Variants in ATP6V0A1 observed in about 807,000 individuals in gnomAD.
The protein encoded by ATP6V0A1 is V-type proton ATPase 116 kDa subunit a 1.
ATP6V0A1 carries 43 observed loss-of-function variants against 105.4 expected under a neutral mutation model. That is an observed-to-expected ratio of 0.41 (90% confidence interval 0.32 to 0.53). ATP6V0A1 has a LOEUF of 0.53. Ranked by LOEUF, ATP6V0A1 falls within the 20% of genes least tolerant of loss-of-function variation. ATP6V0A1 has a pLI of 0.30. For missense variants in ATP6V0A1, 676 were observed against 1,051.1 expected (o/e 0.64, Z 4.93); for synonymous variants, 362 against 372.8 (o/e 0.97, Z 0.33).
In ATP6V0A1 at chr17:42,521,443, T is replaced by G; in HGVS notation, c.*323T>G. The G allele has an allele frequency of 5.0e-6, 1 of 198,772 alleles. No homozygotes were observed. Among genetic ancestry groups the G allele is most frequent in the Non-Finnish European group, 1.0e-5 (1 of 97,938 alleles). 12.3% of individuals were successfully genotyped at this position (198,772 alleles called of 1,614,324 possible). On this transcript the variant is annotated 3_prime_UTR_variant, in exon 22 of 22. Transcript: ENST00000343619. This position sits in a 1 kb window ranked among gnomAD's most constrained non-coding sequence, Gnocchi z 4.8. ...CACGCCATCCCAAAGCCCTTTCATC[T>G]TCCCCGTGCATTGTAGATGGAAGGA...
intron 5 of ATP6V0A1, among the ~76,000 whole-genome samples, chr17:42,473,087 A>G (rs2088210291): frequency 6.6e-6 from 1 of 152,214 alleles, no homozygotes; most frequent in Non-Finnish European, 1.5e-5. Context: ...GGAAAAACTC[A>G]TATGAATTTA....
intron 21 of ATP6V0A1, 150 bp downstream of exon 21, chr17:42,514,610 C>T (rs1473566239): frequency 1.0e-5 from 8 of 791,576 alleles, no homozygotes; most frequent in Non-Finnish European, 1.5e-5. Context: ...CACCCCAGCA[C>T]CGGCATTGCC....
In ATP6V0A1 at chr17:42,521,905, G is replaced by A. The variant is rs1376382705; in HGVS notation, c.*785G>A. The stretch of plus-strand genomic sequence containing the variant: ...GGCCTTGCATGGGCCCTGCCCACAA[G>A]CACACCCTCAGGCCGAGGGTGCAGA... On this transcript the variant is annotated 3_prime_UTR_variant, in exon 22 of 22. Coordinates refer to ENST00000343619, the MANE Select transcript of ATP6V0A1 (RefSeq NM_001130021.3). The surrounding 1 kb of genome is among the most constrained non-coding windows in gnomAD (Gnocchi z 4.8). The A allele has an allele frequency of 6.6e-6, 1 of 152,624 alleles. No homozygotes were observed. Among genetic ancestry groups the A allele is most frequent in the African/African-American group, 2.4e-5 (1 of 41,420 alleles). The allele number at this position is 152,624 out of a possible 1,614,324, so 9.5% of individuals were successfully genotyped here. A position where few individuals can be genotyped will look rare whatever the true frequency, so the allele number is the denominator to read the frequency against.
Position 42,467,965 on chromosome 17 carries a change from G to T in ATP6V0A1, c.197-45G>T. 2.2e-6 allele frequency: 3 copies of T among 1,347,672 alleles called. No homozygotes were observed. The South Asian group carries it at 4.0e-5, about 18-fold the overall frequency. The allele number at this position is 1,347,672 out of a possible 1,614,324, so 83.5% of individuals were successfully genotyped here. ...CTTTTCCTTAAATAATGGCAATTACGAGCATGTGCAGTTAGACATGAATGT... is the reference window on the plus strand; with the variant it reads ...CTTTTCCTTAAATAATGGCAATTACTAGCATGTGCAGTTAGACATGAATGT... On this transcript the variant is annotated intron_variant, in intron 3 of 21. Transcript: ENST00000343619.
intron 17 of ATP6V0A1, 142 bp downstream of exon 17, chr17:42,501,446 G>A (rs1025253047): frequency 8.8e-6 from 6 of 680,814 alleles, no homozygotes; most frequent in East Asian, 6.0e-5. Flanking sequence ...ACGGAGTCTC[G>A]CTCTGTCCCC....
intron 2 of ATP6V0A1, 48 bp from the exon 3 acceptor site, chr17:42,466,377 GAAGA>G (rs2087062395): frequency 1.4e-6 from 2 of 1,468,838 alleles, no homozygotes; most frequent in Admixed American, 3.4e-5. Context: ...TTGAGAAACA[GAAGA>G]AATAGATACA....
intron 3 of ATP6V0A1, among the ~76,000 whole-genome samples, chr17:42,467,573 C>T (rs1040005419): frequency 1.3e-5 from 2 of 152,154 alleles, no homozygotes; most frequent in Admixed American, 6.5e-5. Context: ...ATTTAATGAA[C>T]CCCTTTAGAT....
At chr17:42,487,667 G>A (rs978353649) in intron 10 of ATP6V0A1, among the ~76,000 whole-genome samples, 4 of 152,088 alleles carry the variant, frequency 2.6e-5, no homozygotes, top group African/African-American at 9.7e-5. Context: ...GGCGGAGCTT[G>A]CAGTGAGCTG....
At chr17:42,472,064 T>C (rs1254427477) in intron 5 of ATP6V0A1, among the ~76,000 whole-genome samples, 1 of 150,556 alleles carries the variant, frequency 6.6e-6, no homozygotes, top group Non-Finnish European at 1.5e-5. Flanking sequence ...TTTTTTTTTT[T>C]TTTTCCCGAG....
rs2092829872 is a variant in ATP6V0A1, at chr17:42,521,418, C to T, written c.*298C>T. ...CTGGTGGTGAGCCAGTCTGCATTCC[C>T]ACGCCATCCCAAAGCCCTTTCATCT... On this transcript the variant is annotated 3_prime_UTR_variant, in exon 22 of 22. Transcript: ENST00000343619. This position sits in a 1 kb window ranked among gnomAD's most constrained non-coding sequence, Gnocchi z 4.8. 4.1e-6 allele frequency: 1 copy of T among 242,184 alleles called. No individual in the cohort carries two copies. The highest frequency in any genetic ancestry group is 2.2e-5 in the African/African-American group (1 of 44,464). The allele number at this position is 242,184 out of a possible 1,614,324, so 15.0% of individuals were successfully genotyped here. A position where few individuals can be genotyped will look rare whatever the true frequency, so the allele number is the denominator to read the frequency against.
intron 21 of ATP6V0A1, chr17:42,517,857 C>T (rs1275468726): frequency 6.6e-6 from 1 of 152,188 alleles, no homozygotes; most frequent in African/African-American, 2.4e-5. Flanking sequence ...AAGGGCTGCC[C>T]CATTATACAA....
chr17:42,520,617 AACAG>A (rs781220323), intron 21 of ATP6V0A1: 13 of 457,960 alleles, frequency 2.8e-5, no homozygotes, highest in Non-Finnish European at 4.4e-5. Context: ...ATAACAAGCA[AACAG>A]AGGTGCTTGC....
rs984117641 is a variant in ATP6V0A1 at position 42,490,341 on chromosome 17, G to A, written c.1024-146G>A. ...TCTAGTTTTATTTTTAGGTTTATTAGTTTTATTGAGATATAATTTACATGA... is the reference window on the plus strand; with the variant it reads ...TCTAGTTTTATTTTTAGGTTTATTAATTTTATTGAGATATAATTTACATGA... On this transcript the variant is annotated intron_variant, in intron 10 of 21. Transcript: ENST00000343619. The A allele has an allele frequency of 2.1e-5, 15 of 704,800 alleles. No individual in the cohort carries two copies. In the African/African-American group the frequency reaches 2.8e-4, roughly 13 times the overall value. The allele number at this position is 704,800 out of a possible 1,614,324, so 43.7% of individuals were successfully genotyped here.
At chr17:42,482,074 T>C (rs1056289300) in intron 8 of ATP6V0A1, among the ~76,000 whole-genome samples, 6 of 152,100 alleles carry the variant, frequency 3.9e-5, no homozygotes, top group Non-Finnish European at 2.9e-5. Flanking sequence ...ACTCCTAATC[T>C]CAAGCAATCT....
intron 10 of ATP6V0A1, among the ~76,000 whole-genome samples, chr17:42,489,076 G>GTT (rs1386695864): frequency 4.3e-5 from 6 of 137,948 alleles, no homozygotes; most frequent in Non-Finnish European, 6.3e-5. Context: ...TTGTTTTTTG[G>GTT]TTTTTTTTTT....
intron 6 of ATP6V0A1, among the ~76,000 whole-genome samples, 175 bp downstream of exon 6, chr17:42,477,917 G>T (rs923328162): frequency 6.6e-6 from 1 of 152,000 alleles, no homozygotes; most frequent in East Asian, 1.9e-4. Context: ...CTCTCTGCTG[G>T]GTCCATAAGT....
intron 11 of ATP6V0A1, among the ~76,000 whole-genome samples, chr17:42,492,897 A>C (rs1365598364): frequency 6.6e-6 from 1 of 151,998 alleles, no homozygotes; most frequent in Non-Finnish European, 1.5e-5. Context: ...GCATGCCTGT[A>C]ATCCCAGCTA....
chr17:42,520,442 G>A (rs1239050655), intron 21 of ATP6V0A1: 1 of 456,604 alleles, frequency 2.2e-6, no homozygotes, highest in Non-Finnish European at 4.4e-6. Context: ...TAGTCCCCAA[G>A]AGAAGAATTC....
At chr17:42,471,510 G>C (rs1177359958) in intron 5 of ATP6V0A1, 1 of 151,788 alleles carries the variant, frequency 6.6e-6, no homozygotes, top group African/African-American at 2.4e-5. Flanking sequence ...GAAGTGGGCA[G>C]ATCACTTGAG....
Sources: allele counts gnomAD v4.1 joint callset (sites outside exome capture counted in the v4.1 genomes callset), GRCh38; gene constraint gnomAD v4.1.1; non-coding constraint Gnocchi (gnomAD v3.1); transcripts MANE v1.5; gene names NCBI Gene and HGNC (gene_info 2026-07-23, HGNC 2026-07-21).